TMEM184B: variants seen among roughly 807,000 people sequenced by gnomAD.
The protein encoded by TMEM184B is transmembrane protein 184B.
A neutral mutation model predicts 41.8 loss-of-function variants in TMEM184B; 17 were observed. The observed-to-expected ratio is 0.41, with a 90% CI of 0.28 to 0.61. TMEM184B has a LOEUF of 0.61. Among genes scored for constraint, TMEM184B ranks in the 20% least tolerant of loss-of-function variants. TMEM184B has a pLI of 0.34. For synonymous variants in TMEM184B, 240 were observed against 229.5 expected (o/e 1.05, Z -0.41); for missense variants, 393 against 557.8 (o/e 0.70, Z 2.98).
At position 38,221,172 on chromosome 22, in the gene TMEM184B, G is replaced by C. The variant is rs927388843; in HGVS notation, c.*297C>G. The C allele has an allele frequency of 1.9e-5, 23 of 1,239,928 alleles. No individual in the cohort carries two copies. Among genetic ancestry groups the C allele is most frequent in the Middle Eastern group, 3.2e-4 (1 of 3,136 alleles). 76.8% of individuals were successfully genotyped at this position (1,239,928 alleles called of 1,614,324 possible). A position where few individuals can be genotyped will look rare whatever the true frequency, so the allele number is the denominator to read the frequency against. On this transcript the variant is annotated 3_prime_UTR_variant, in exon 9 of 9. Coordinates refer to ENST00000361906, the MANE Select transcript of TMEM184B (RefSeq NM_012264.5). ...CAAGCATTGGGGCCTGGGTGCGGCT[G>C]GTCCCAGCATGCCCCCAGCACAGGA...
intron 1 of TMEM184B, among the ~76,000 whole-genome samples, chr22:38,265,454 G>A (rs1226021561): frequency 6.6e-6 from 1 of 152,022 alleles, no homozygotes; most frequent in Admixed American, 6.5e-5. Flanking sequence ...CTGTGTTGGG[G>A]GTAGCTACTC....
At position 38,224,949 on chromosome 22, in the gene TMEM184B, C is replaced by T. The variant is rs866137710; in HGVS notation, c.818G>A (p.Gly273Glu). The T allele has an allele frequency of 6.3e-7, 1 of 1,591,068 alleles. No individual in the cohort carries two copies. The highest frequency in any genetic ancestry group is 8.6e-7 in the Non-Finnish European group (1 of 1,168,272). The change falls in exon 8 of 9, where the codon GGG (glycine) becomes GAG (glutamate). Residue 273 changes from glycine to glutamate, a missense_variant. Physicochemically the swap from Gly to Glu is moderately conservative, Grantham distance 98 (BLOSUM62 -2). Transcript: ENST00000361906. ...GMLLAILEKC[G>E]AIPKIHSARV... Reference sequence around the variant, plus strand: ...GGCCGAGTGGATTTTGGGGATGGCCCCACACTTCTCCAGGATGGCCAGGAG... The same window carrying T: ...GGCCGAGTGGATTTTGGGGATGGCCTCACACTTCTCCAGGATGGCCAGGAG...
At position 38,272,921 on chromosome 22, in the gene TMEM184B, T is replaced by C. The variant is rs2092547371; in HGVS notation, c.-96A>G. 1.7e-6 allele frequency: 1 copy of C among 602,188 alleles called. No individual in the cohort carries two copies. Among genetic ancestry groups the C allele is most frequent in the African/African-American group, 2.0e-5 (1 of 49,998 alleles). The allele number at this position is 602,188 out of a possible 1,614,324, so 37.3% of individuals were successfully genotyped here. On this transcript the variant is annotated 5_prime_UTR_variant, in exon 1 of 9. Coordinates refer to ENST00000361906, the MANE Select transcript of TMEM184B (RefSeq NM_012264.5). ...TGGCGGTGGCGGCGTCTGCGGACGA[T>C]GCGCGGCAGCCGGACTCTGCGGGCG... is the stretch of plus-strand genomic sequence containing the variant.
intron 1 of TMEM184B, among the ~76,000 whole-genome samples, chr22:38,255,173 G>A (rs1261976202): frequency 2.0e-5 from 3 of 152,268 alleles, no homozygotes; most frequent in South Asian, 2.1e-4. Flanking sequence ...TTATAGGCGC[G>A]TGTCACCATG....
At chr22:38,231,694 G>C (rs1010317193) in intron 3 of TMEM184B, 3 of 427,936 alleles carry the variant, frequency 7.0e-6, no homozygotes, top group African/African-American at 6.1e-5. Flanking sequence ...ACCCTGGGGC[G>C]AAACAGTATT....
rs575523101 is a variant in TMEM184B, at chr22:38,255,948, T to C, written c.-58-7929A>G. The stretch of plus-strand genomic sequence containing the variant: ...TCCAGGTGATGAAACAGTTTGTATC[T>C]TGATAGTGGTAGTGGTTACATGAAT... On this transcript the variant is annotated intron_variant, in intron 1 of 8. Transcript: ENST00000361906. Among the ~76,000 whole-genome samples, 8 of 152,332 alleles carry C rather than the reference T, an allele frequency of 5.3e-5. No homozygotes were observed. In the East Asian group the frequency reaches 1.4e-3, roughly 26 times the overall value.
chr22:38,224,772 C>T lies in TMEM184B; in HGVS notation c.982+13G>A. The T allele has an allele frequency of 6.3e-7, 1 of 1,577,616 alleles. No individual in the cohort carries two copies. Among genetic ancestry groups the T allele is most frequent in the East Asian group, 2.3e-5 (1 of 43,684 alleles). On this transcript the variant is annotated intron_variant, in intron 8 of 8. Transcript: ENST00000361906. ...TTCTCCCAGCGGGGGTCGCCTAGGA[C>T]CCTGGCTCATACCTTGTGCGTCCAG...
intron 1 of TMEM184B, among the ~76,000 whole-genome samples, chr22:38,270,878 C>T (rs954680456): frequency 4.6e-5 from 7 of 152,194 alleles, no homozygotes; most frequent in African/African-American, 1.7e-4. Flanking sequence ...CAGCCAGAGA[C>T]CAGGAGCAAA....
chr22:38,240,548 G>A (rs2091881606), intron 3 of TMEM184B, among the ~76,000 whole-genome samples: 1 of 152,024 alleles, frequency 6.6e-6, no homozygotes, highest in African/African-American at 2.4e-5. Flanking sequence ...AGAAAGTGGA[G>A]GGGAAGAAAT....
intron 8 of TMEM184B, 131 bp from the exon 9 acceptor site, chr22:38,221,841 G>C: frequency 7.6e-7 from 1 of 1,319,944 alleles, no homozygotes; most frequent in Non-Finnish European, 1.0e-6. Context: ...CATCCCTTCT[G>C]GGACAGAGAA....
chr22:38,258,404 G>A (rs989026031), intron 1 of TMEM184B, among the ~76,000 whole-genome samples: 7 of 151,276 alleles, frequency 4.6e-5, no homozygotes, highest in African/African-American at 1.5e-4. Flanking sequence ...AGGTTCAAGC[G>A]ATTCTCCTGC....
chr22:38,222,730 G>A, intron 8 of TMEM184B: 1 of 984,598 alleles, frequency 1.0e-6, no homozygotes, highest in East Asian at 1.1e-4. Flanking sequence ...AAGAAATAGA[G>A]AAGACAAGAG....
intron 3 of TMEM184B, among the ~76,000 whole-genome samples, chr22:38,243,239 C>T (rs965225318): frequency 2.0e-5 from 3 of 152,102 alleles, no homozygotes; most frequent in Non-Finnish European, 4.4e-5. Flanking sequence ...TCAGGGCAGG[C>T]GGGGCCTGAA....
Position 38,219,719 on chromosome 22 carries a change from C to T in TMEM184B, c.*1750G>A. 2.0e-6 allele frequency: 2 copies of T among 985,682 alleles called. No individual in the cohort carries two copies. Among genetic ancestry groups the T allele is most frequent in the African/African-American group, 1.7e-5 (1 of 57,360 alleles). The allele number at this position is 985,682 out of a possible 1,614,324, so 61.1% of individuals were successfully genotyped here. On this transcript the variant is annotated 3_prime_UTR_variant, in exon 9 of 9. Transcript: ENST00000361906. ...GGAGTGGGAATCAGCAGCACTTTGG[C>T]CTGGAGGGAGAAGGGAAGCCACGGT... is the stretch of plus-strand genomic sequence containing the variant.
chr22:38,230,508 A>G (rs2091581518), intron 5 of TMEM184B, among the ~76,000 whole-genome samples, 161 bp downstream of exon 5: 1 of 152,168 alleles, frequency 6.6e-6, no homozygotes, highest in Non-Finnish European at 1.5e-5. Context: ...ACACCCTGCT[A>G]ATGTGGTATC....
chr22:38,219,804 T>C lies in TMEM184B; in HGVS notation c.*1665A>G, dbSNP rs1194807873. On this transcript the variant is annotated 3_prime_UTR_variant, in exon 9 of 9. Transcript: ENST00000361906. ...AGGGCCAGGGCTGGTCCTCAGCCTGTGTCTGCACCCACCCTCCCGGGCAGC... is the reference window on the plus strand; with the variant it reads ...AGGGCCAGGGCTGGTCCTCAGCCTGCGTCTGCACCCACCCTCCCGGGCAGC... 3 of 985,350 alleles carry C rather than the reference T, an allele frequency of 3.0e-6. No homozygotes were observed. Among genetic ancestry groups the C allele is most frequent in the Admixed American group, 6.1e-5 (1 of 16,268 alleles). The allele number at this position is 985,350 out of a possible 1,614,324, so 61.0% of individuals were successfully genotyped here.
At chr22:38,265,182 G>T (rs2092426573) in intron 1 of TMEM184B, among the ~76,000 whole-genome samples, 1 of 152,102 alleles carries the variant, frequency 6.6e-6, no homozygotes, top group African/African-American at 2.4e-5. Context: ...TCATTCCTCT[G>T]TGTGTGCTCA....
chr22:38,229,628 CT>C (rs2091555146), intron 5 of TMEM184B, among the ~76,000 whole-genome samples: 1 of 148,048 alleles, frequency 6.8e-6, no homozygotes, highest in Non-Finnish European at 1.5e-5. Flanking sequence ...GCCAAGGCTA[CT>C]CTAGACCACA....
downstream of TMEM184B, chr22:38,219,172 A>C: frequency 1.2e-6 from 1 of 808,538 alleles, no homozygotes; most frequent in East Asian, 1.3e-4. Flanking sequence ...CCCATCACTG[A>C]AAGGTTACAC....
Sources: allele counts gnomAD v4.1 joint callset (sites outside exome capture counted in the v4.1 genomes callset), GRCh38; gene constraint gnomAD v4.1.1; transcripts MANE v1.5; gene names NCBI Gene and HGNC (gene_info 2026-07-23, HGNC 2026-07-21).